THSD4: variants seen among roughly 807,000 people sequenced by gnomAD.
The protein encoded by THSD4 is thrombospondin type-1 domain-containing protein 4.
A neutral mutation model predicts 119.0 loss-of-function variants in THSD4; 69 were observed. That is an observed-to-expected ratio of 0.58 (90% CI 0.48 to 0.71). THSD4 has a LOEUF of 0.71. Ranked by LOEUF, THSD4 falls within the 30% of genes least tolerant of loss-of-function variation. The pLI, the probability that THSD4 is intolerant of heterozygous loss-of-function variation, is 0.00. For synonymous variants in THSD4, 524 were observed against 540.4 expected (o/e 0.97, Z 0.42); for missense variants, 1,393 against 1,391.1 (o/e 1.00, Z -0.02).
At chr15:71,562,941 G>A (rs2049153510) in intron 7 of THSD4, among the ~76,000 whole-genome samples, 1 of 152,048 alleles carries the variant, frequency 6.6e-6, no homozygotes, top group Non-Finnish European at 1.5e-5. Context: ...AACCTCAGGT[G>A]ATCCACCCGC....
intron 6 of THSD4, among the ~76,000 whole-genome samples, chr15:71,286,986 G>A (rs1002201350): frequency 2.6e-5 from 4 of 152,098 alleles, no homozygotes; most frequent in African/African-American, 7.2e-5. Context: ...CTGATGTGGG[G>A]TTATTCCGAA....
chr15:71,303,245 A>G (rs2044977360), intron 6 of THSD4, among the ~76,000 whole-genome samples: 1 of 152,172 alleles, frequency 6.6e-6, no homozygotes, highest in Non-Finnish European at 1.5e-5. Flanking sequence ...GGCGCCGCGC[A>G]TTTGCCTGCT....
At chr15:71,651,120 G>C (rs2051079091) in intron 7 of THSD4, among the ~76,000 whole-genome samples, 7 of 152,204 alleles carry the variant, frequency 4.6e-5, no homozygotes. Flanking sequence ...CTGCCCCCCA[G>C]TGGAGTTTCT....
rs1207923954 is a variant in THSD4, at chr15:71,333,854, G to A, written c.1015+77139G>A. Among the ~76,000 whole-genome samples the A allele has an allele frequency of 3.3e-5, 5 of 152,112 alleles. No homozygotes were observed. In the East Asian group the frequency reaches 5.8e-4, roughly 18 times the overall value. ...GCTTATTGAAAATATATGAACTTTC[G>A]TTGACAAGATAATGCTACAGAAGGT... On this transcript the variant is annotated intron_variant, in intron 6 of 17. Transcript: ENST00000261862.
intron 14 of THSD4, among the ~76,000 whole-genome samples, chr15:71,752,913 G>A (rs17810997): frequency 0.031 from 4,696 of 152,188 alleles, 111 homozygotes; most frequent in Non-Finnish European, 0.044. Flanking sequence ...AAATGGCCTC[G>A]TTAAGCTTTA....
At chr15:71,288,540 T>C (rs12905445) in intron 6 of THSD4, among the ~76,000 whole-genome samples, 1 of 152,108 alleles carries the variant, frequency 6.6e-6, no homozygotes, top group African/African-American at 2.4e-5. Flanking sequence ...ATCTTACCAT[T>C]CCATCTCCTG....
intron 6 of THSD4, among the ~76,000 whole-genome samples, chr15:71,368,954 A>G (rs1417938435): frequency 6.6e-6 from 1 of 152,006 alleles, no homozygotes; most frequent in African/African-American, 2.4e-5. Flanking sequence ...GTCCTCTTTT[A>G]TTTTGTTGAG....
rs375245002 is a variant in THSD4, at chr15:71,462,788, A to T, written c.1152+50965A>T. Among the ~76,000 whole-genome samples, 5 of 152,322 alleles carry T rather than the reference A, an allele frequency of 3.3e-5. No individual in the cohort carries two copies. The East Asian group carries it at 5.8e-4, about 18-fold the overall frequency. On this transcript the variant is annotated intron_variant, in intron 7 of 17. Transcript: ENST00000261862. ...TCTTTAAAGTACAGTCTCCAAACTAACTATCTTAGTTTCAAAGTCCATCTG... is the reference window on the plus strand; with the variant it reads ...TCTTTAAAGTACAGTCTCCAAACTATCTATCTTAGTTTCAAAGTCCATCTG...
chr15:71,156,844 T>C (rs1257834891), intron 3 of THSD4, among the ~76,000 whole-genome samples: 3 of 152,254 alleles, frequency 2.0e-5, no homozygotes, highest in South Asian at 4.2e-4. Context: ...GCCTGGCATG[T>C]TGTAGGTGCT....
chr15:71,461,716 A>G (rs16955638), intron 7 of THSD4, among the ~76,000 whole-genome samples: 30,229 of 152,004 alleles, frequency 0.2, 3,382 homozygotes, highest in South Asian at 0.38. Context: ...AAAAGTCAAT[A>G]TTAGAGTCCA....
At chr15:71,704,144 G>A (rs2052349497) in intron 8 of THSD4, among the ~76,000 whole-genome samples, 1 of 152,098 alleles carries the variant, frequency 6.6e-6, no homozygotes, top group Non-Finnish European at 1.5e-5. Context: ...CACTGCGCCT[G>A]GCCTGAAAAA....
intron 6 of THSD4, among the ~76,000 whole-genome samples, chr15:71,344,717 A>T (rs183300893): frequency 6.0e-4 from 91 of 152,328 alleles, no homozygotes; most frequent in African/African-American, 2.1e-3. Context: ...TCAGAAAAAG[A>T]AATGTAGAAG....
At chr15:71,191,673 C>G (rs2043672600) in intron 3 of THSD4, among the ~76,000 whole-genome samples, 2 of 152,154 alleles carry the variant, frequency 1.3e-5, no homozygotes, top group African/African-American at 2.4e-5. Flanking sequence ...CCCCTGAGCT[C>G]TCACTCTTCA....
chr15:71,223,380 C>A (rs2043990432), intron 4 of THSD4, among the ~76,000 whole-genome samples: 1 of 152,176 alleles, frequency 6.6e-6, no homozygotes, highest in East Asian at 1.9e-4. Flanking sequence ...TGAAATATTT[C>A]TCTAATATTT....
At chr15:71,254,840 T>C (rs2044296565) in intron 5 of THSD4, among the ~76,000 whole-genome samples, 1 of 152,216 alleles carries the variant, frequency 6.6e-6, no homozygotes, top group Admixed American at 6.5e-5. Context: ...TCTCCCTGAT[T>C]GTCAGAGCTC....
chr15:71,724,307 A>G, intron 8 of THSD4, among the ~76,000 whole-genome samples: 1 of 122,876 alleles, frequency 8.1e-6, no homozygotes. Context: ...TCCCCCCAAG[A>G]TGGAATTTTG....
chr15:71,736,223 GTCTC>G (rs1209685076), intron 10 of THSD4, among the ~76,000 whole-genome samples: 2 of 126,832 alleles, frequency 1.6e-5, no homozygotes, highest in Non-Finnish European at 3.4e-5. Context: ...TGCTGTCTCT[GTCTC>G]TCTCTTGCTC....
chr15:71,445,651 C>G (rs735300), intron 7 of THSD4, among the ~76,000 whole-genome samples: 43,555 of 152,066 alleles, frequency 0.29, 6,413 homozygotes, highest in Middle Eastern at 0.36. Context: ...CTCAGATGAT[C>G]CTTCCCATCA....
rs540622227 is a variant in THSD4 at position 71,556,131 on chromosome 15, T to A, written c.1153-104399T>A. Among the ~76,000 whole-genome samples the A allele has an allele frequency of 4.6e-5, 7 of 152,328 alleles. No individual in the cohort carries two copies. The South Asian group carries it at 1.5e-3, about 32-fold the overall frequency. On this transcript the variant is annotated intron_variant, in intron 7 of 17. Transcript: ENST00000261862. ...TTAGTTATTCTTAGACATTTGCTCTTCCTTATGAAATTTGAAATTATCACA... is the reference window on the plus strand; with the variant it reads ...TTAGTTATTCTTAGACATTTGCTCTACCTTATGAAATTTGAAATTATCACA...
Sources: allele counts gnomAD v4.1 joint callset (sites outside exome capture counted in the v4.1 genomes callset), GRCh38; gene constraint gnomAD v4.1.1; transcripts MANE v1.5; gene names NCBI Gene and HGNC (gene_info 2026-07-23, HGNC 2026-07-21).